The following RBFOX1 variants were observed in gnomAD, a reference collection of about 807,000 sequenced individuals.
The protein encoded by RBFOX1 is RNA binding protein fox-1 homolog 1.
A neutral mutation model predicts 57.7 loss-of-function variants in RBFOX1; 8 were observed. The ratio of observed to expected loss-of-function variants is 0.14; its 90% CI spans 0.08 to 0.25. The LOEUF (loss-of-function observed/expected upper bound fraction) is 0.25, where lower values mean the gene tolerates loss of function less well. Among genes scored for constraint, RBFOX1 ranks in the 10% least tolerant of loss-of-function variants. The pLI, the probability that RBFOX1 is intolerant of heterozygous loss-of-function variation, is 1.00. For synonymous variants in RBFOX1, 326 were observed against 222.4 expected, an observed-to-expected ratio of 1.47 and a Z score of -4.15; for missense variants, 611 against 548.5, an observed-to-expected ratio of 1.11 and a Z score of -1.14.
chr16:6,245,288 T>C (rs1393924049), intron 1 of RBFOX1, among the ~76,000 whole-genome samples: 1 of 152,214 alleles, frequency 6.6e-6, no homozygotes, highest in Admixed American at 6.5e-5. Context: ...AGGCTTTCAT[T>C]GCTTTAATGA....
At chr16:6,587,340 G>A (rs1025697925) in intron 2 of RBFOX1, among the ~76,000 whole-genome samples, 5 of 151,930 alleles carry the variant, frequency 3.3e-5, no homozygotes, top group Non-Finnish European at 7.4e-5. Flanking sequence ...ATAGTGCCGT[G>A]GTGCCATCCT....
intron 1 of RBFOX1, among the ~76,000 whole-genome samples, chr16:6,221,880 C>G (rs2097375795): frequency 6.6e-6 from 1 of 152,136 alleles, no homozygotes; most frequent in Non-Finnish European, 1.5e-5. Context: ...ATCCTTGACC[C>G]AAGGGAATTA....
intron 3 of RBFOX1, among the ~76,000 whole-genome samples, chr16:5,816,217 G>GCCTACAT (rs2055629301): frequency 6.6e-6 from 1 of 152,134 alleles, no homozygotes; most frequent in Admixed American, 6.5e-5. Flanking sequence ...GGAGGCACTG[G>GCCTACAT]GATTTCAGAA....
chr16:6,221,299 C>G (rs890737970), intron 1 of RBFOX1, among the ~76,000 whole-genome samples: 1 of 152,124 alleles, frequency 6.6e-6, no homozygotes, highest in Non-Finnish European at 1.5e-5. Flanking sequence ...CTAATAGAAA[C>G]TGTATCACTG....
chr16:7,387,214 A>G (rs543791022), intron 4 of RBFOX1, among the ~76,000 whole-genome samples: 1 of 152,186 alleles, frequency 6.6e-6, no homozygotes, highest in Admixed American at 6.5e-5. Flanking sequence ...CCACACACCA[A>G]CCATTGTGCA....
intron 13 of RBFOX1, among the ~76,000 whole-genome samples, chr16:7,665,285 C>G (rs549678651): frequency 2.0e-5 from 3 of 152,230 alleles, no homozygotes; most frequent in East Asian, 3.9e-4. Context: ...CTCAAGTTCT[C>G]GATATGTTCT....
intron 2 of RBFOX1, among the ~76,000 whole-genome samples, chr16:6,587,143 C>T (rs137887496): frequency 1.8e-4 from 28 of 152,202 alleles, no homozygotes; most frequent in African/African-American, 6.0e-4. Context: ...TCTTATCTAA[C>T]TGAATTTTTT....
At chr16:7,145,371 A>AT (rs771385441) in intron 4 of RBFOX1, among the ~76,000 whole-genome samples, 2 of 151,856 alleles carry the variant, frequency 1.3e-5, no homozygotes, top group Non-Finnish European at 2.9e-5. Flanking sequence ...CATCTGGTTC[A>AT]TTTTTTTGTA....
intron 3 of RBFOX1, among the ~76,000 whole-genome samples, chr16:5,751,928 A>G (rs2053221513): frequency 1.3e-5 from 2 of 152,236 alleles, no homozygotes; most frequent in South Asian, 2.1e-4. Flanking sequence ...TCCTGGGTAT[A>G]TACCCAAAGG....
intron 4 of RBFOX1, among the ~76,000 whole-genome samples, chr16:5,923,165 C>T (rs868254661): frequency 1.5e-4 from 23 of 152,230 alleles, no homozygotes; most frequent in African/African-American, 2.6e-4. Flanking sequence ...AGAGGAAAAA[C>T]GGCTGCTAAT....
At chr16:6,733,233 G>C (rs2154175620) in intron 3 of RBFOX1, among the ~76,000 whole-genome samples, 1 of 152,240 alleles carries the variant, frequency 6.6e-6, no homozygotes, top group Middle Eastern at 3.4e-3. Context: ...CCAGAGCCCT[G>C]GCAAACTCCC....
intron 14 of RBFOX1, among the ~76,000 whole-genome samples, chr16:7,681,315 A>G (rs563721576): frequency 6.6e-6 from 1 of 152,282 alleles, no homozygotes; most frequent in South Asian, 2.1e-4. Context: ...GGAAGGGACC[A>G]TCTTTCTGCC....
intron 4 of RBFOX1, among the ~76,000 whole-genome samples, chr16:7,417,005 T>C (rs1423132037): frequency 6.6e-6 from 1 of 152,146 alleles, no homozygotes; most frequent in Non-Finnish European, 1.5e-5. Flanking sequence ...GTGGGGCTCG[T>C]AAACTTACAC....
At chr16:7,299,229 C>A (rs1038602628) in intron 4 of RBFOX1, among the ~76,000 whole-genome samples, 1 of 152,076 alleles carries the variant, frequency 6.6e-6, no homozygotes, top group African/African-American at 2.4e-5. Context: ...GCATTTTATT[C>A]GTTATTTGAT....
intron 13 of RBFOX1, among the ~76,000 whole-genome samples, chr16:7,670,157 A>G (rs1459190742): frequency 6.6e-6 from 1 of 152,088 alleles, no homozygotes; most frequent in Non-Finnish European, 1.5e-5. Flanking sequence ...TTAGCCTCCC[A>G]GATAGCTGAG....
chr16:6,575,118 C>T (rs551388528), intron 2 of RBFOX1, among the ~76,000 whole-genome samples: 13 of 151,794 alleles, frequency 8.6e-5, no homozygotes, highest in East Asian at 2.0e-4. Flanking sequence ...GGGGTCTCCC[C>T]GCAAGGCGAC....
At chr16:5,487,970 G>A (rs1424720183) in intron 2 of RBFOX1, among the ~76,000 whole-genome samples, 3 of 152,038 alleles carry the variant, frequency 2.0e-5, no homozygotes, top group African/African-American at 7.3e-5. Flanking sequence ...GATGATTATG[G>A]TGAAGACGAT....
intron 3 of RBFOX1, among the ~76,000 whole-genome samples, chr16:6,843,700 G>A (rs1468202404): frequency 2.0e-5 from 3 of 152,020 alleles, no homozygotes; most frequent in Non-Finnish European, 4.4e-5. Flanking sequence ...AAATAAATAA[G>A]TAAAATTATA....
intron 3 of RBFOX1, among the ~76,000 whole-genome samples, chr16:5,848,880 C>G (rs1597478571): frequency 1.3e-5 from 2 of 151,920 alleles, no homozygotes; most frequent in African/African-American, 4.8e-5. Flanking sequence ...ATCTGGGAGG[C>G]AGAGGTTGCA....
Sources: allele counts gnomAD v4.1 joint callset (sites outside exome capture counted in the v4.1 genomes callset), GRCh38; gene constraint gnomAD v4.1.1; transcripts MANE v1.5; gene names NCBI Gene and HGNC (gene_info 2026-07-23, HGNC 2026-07-21).